Variants in SSBP3 observed in about 807,000 individuals in gnomAD.
The protein encoded by SSBP3 is single stranded DNA binding protein 3, also known as single-stranded DNA-binding protein 3.
Under a neutral mutation model 69.6 loss-of-function variants are expected in SSBP3, and 5 were observed. That is an observed-to-expected ratio of 0.07 (90% CI 0.04 to 0.15). The LOEUF (loss-of-function observed/expected upper bound fraction) is 0.15. Ranked by LOEUF, SSBP3 falls within the 10% of genes least tolerant of loss-of-function variation. SSBP3 has a pLI of 1.00. For missense variants in SSBP3, 312 were observed against 534.0 expected (o/e 0.58, Z 4.10); for synonymous variants, 196 against 193.4 (o/e 1.01, Z -0.11).
At chr1:54,350,896 T>G (rs1180012992) in intron 4 of SSBP3, among the ~76,000 whole-genome samples, 1 of 152,136 alleles carries the variant, frequency 6.6e-6, no homozygotes, top group Non-Finnish European at 1.5e-5. Context: ...AGTGCAGTGG[T>G]GCAATCATAG....
At chr1:54,334,445 T>A (rs529710270) in intron 4 of SSBP3, among the ~76,000 whole-genome samples, 5 of 152,212 alleles carry the variant, frequency 3.3e-5, no homozygotes, top group Non-Finnish European at 5.9e-5. Context: ...ATGCTGTCAT[T>A]TCCTTCAGTG....
At chr1:54,354,025 A>C (rs956244446) in intron 4 of SSBP3, among the ~76,000 whole-genome samples, 1 of 152,142 alleles carries the variant, frequency 6.6e-6, no homozygotes, top group Non-Finnish European at 1.5e-5. Flanking sequence ...TCAGTGACTG[A>C]CCACTCCCCC....
intron 14 of SSBP3, among the ~76,000 whole-genome samples, chr1:54,230,159 G>T (rs1351243269): frequency 1.3e-5 from 2 of 152,180 alleles, no homozygotes; most frequent in African/African-American, 4.8e-5. Flanking sequence ...CACAGCTAGG[G>T]TATGAGCTGC....
chr1:54,403,850 C>T, intron 3 of SSBP3, among the ~76,000 whole-genome samples: 1 of 152,188 alleles, frequency 6.6e-6, no homozygotes, highest in African/African-American at 2.4e-5. Flanking sequence ...TCCCTCCTGG[C>T]TGTCATATAC....
chr1:54,243,465 G>C, intron 9 of SSBP3, 166 bp from the exon 10 acceptor site: 1 of 762,854 alleles, frequency 1.3e-6, no homozygotes, highest in East Asian at 2.6e-5. Context: ...TGGGAACCAA[G>C]TCACAGGGAC....
chr1:54,258,308 G>C lies in SSBP3; in HGVS notation c.367-159C>G, dbSNP rs996718472. Reference sequence around the variant, plus strand: ...TGGGAGGTGGTGGAGCTGCTGCTTTGGTCGCCGGCTCAACGGTGTAAAACG... The same window carrying C: ...TGGGAGGTGGTGGAGCTGCTGCTTTCGTCGCCGGCTCAACGGTGTAAAACG... On this transcript the variant is annotated intron_variant, in intron 5 of 17. Transcript: ENST00000610401. The surrounding 1 kb of genome is among the most constrained non-coding windows in gnomAD (Gnocchi z 4.5). 2.8e-4 allele frequency among the ~76,000 whole-genome samples: 42 copies of C among 151,964 alleles called. No homozygotes were observed. The highest frequency in any genetic ancestry group is 9.7e-4 in the African/African-American group (40 of 41,412).
At chr1:54,241,580 G>A (rs1231354683) in intron 11 of SSBP3, 71 bp from the exon 12 acceptor site, 3 of 1,513,948 alleles carry the variant, frequency 2.0e-6, no homozygotes, top group South Asian at 1.1e-5. Context: ...CCTCCCTGAG[G>A]ACACGACCCA....
intron 4 of SSBP3, among the ~76,000 whole-genome samples, chr1:54,360,943 A>G (rs1646942737): frequency 6.7e-6 from 1 of 150,354 alleles, no homozygotes; most frequent in Admixed American, 6.7e-5. Context: ...AAAATCTGCC[A>G]GATGTGGCAA....
rs962004108 is a variant in SSBP3 at position 54,238,947 on chromosome 1, C to G, written c.927+182G>C. ...CGTCCCACCCCTTCCTCTCCCACCC[C>G]CTGCCGCCCATGAAATGGGAACTGA... On this transcript the variant is annotated intron_variant, in intron 14 of 17. Coordinates refer to ENST00000610401, the Ensembl canonical transcript of SSBP3. 3.0e-5 allele frequency: 13 copies of G among 440,366 alleles called. No homozygotes were observed. The East Asian group carries it at 4.1e-4, about 14-fold the overall frequency. The allele number at this position is 440,366 out of a possible 1,614,324, so 27.3% of individuals were successfully genotyped here. A position where few individuals can be genotyped will look rare whatever the true frequency, so the allele number is the denominator to read the frequency against.
intron 5 of SSBP3, among the ~76,000 whole-genome samples, chr1:54,274,006 G>A (rs940799993): frequency 6.6e-6 from 1 of 152,206 alleles, no homozygotes; most frequent in South Asian, 2.1e-4. Flanking sequence ...GCGGACAGCA[G>A]GGCGGAGGAG....
At chr1:54,294,021 T>C (rs935971665) in intron 4 of SSBP3, among the ~76,000 whole-genome samples, 4 of 150,354 alleles carry the variant, frequency 2.7e-5, no homozygotes, top group Non-Finnish European at 5.9e-5. Context: ...GCGCCTGTAA[T>C]CCCAGCTACT....
intron 4 of SSBP3, among the ~76,000 whole-genome samples, chr1:54,284,506 T>C (rs1211211714): frequency 6.6e-6 from 1 of 151,954 alleles, no homozygotes; most frequent in African/African-American, 2.4e-5. Flanking sequence ...AGAGACCTAG[T>C]CCCCAGGCTG....
intron 14 of SSBP3, among the ~76,000 whole-genome samples, chr1:54,235,448 A>ATTTTTATTTTTTTTT (rs1644473013): frequency 1.4e-5 from 1 of 69,910 alleles, no homozygotes; most frequent in South Asian, 5.5e-4. Context: ...TGCCCGGCTG[A>ATTTTTATTTTTTTTT]TTTTTTTTTT....
At chr1:54,283,847 C>T (rs946622105) in intron 4 of SSBP3, among the ~76,000 whole-genome samples, 1 of 152,182 alleles carries the variant, frequency 6.6e-6, no homozygotes, top group Non-Finnish European at 1.5e-5. Context: ...TGAGATGGGG[C>T]CTCGTGAGGG....
At chr1:54,371,362 T>C (rs796723488) in intron 4 of SSBP3, among the ~76,000 whole-genome samples, 3 of 152,328 alleles carry the variant, frequency 2.0e-5, no homozygotes, top group African/African-American at 7.2e-5. Context: ...GTGGATGCCA[T>C]GTGTGCATGA....
In SSBP3 at chr1:54,227,180, A is replaced by AGGG. The variant is rs1553120669; in HGVS notation, c.1138-21_1138-20insCCC. Reference sequence around the variant, plus strand: ...AGAATACTGGAAAGGAGAAGCAGAGAAGGGGGGGGGGTGAGGATTGTGGGG... The same window carrying AGGG: ...AGAATACTGGAAAGGAGAAGCAGAGAGGGAGGGGGGGGGGTGAGGATTGTGGGG... On this transcript the variant is annotated intron_variant, in intron 17 of 17. Transcript: ENST00000610401. 2.8e-6 allele frequency: 1 copy of AGGG among 354,276 alleles called. No homozygotes were observed. Among genetic ancestry groups the AGGG allele is most frequent in the African/African-American group, 6.7e-5 (1 of 14,928 alleles). 21.9% of individuals were successfully genotyped at this position (354,276 alleles called of 1,614,324 possible).
intron 4 of SSBP3, among the ~76,000 whole-genome samples, chr1:54,346,077 C>T (rs754234670): frequency 1.3e-5 from 2 of 151,650 alleles, no homozygotes; most frequent in Non-Finnish European, 2.9e-5. Context: ...ACAGGAGAAT[C>T]GCTTGAACTC....
intron 4 of SSBP3, among the ~76,000 whole-genome samples, chr1:54,315,454 C>T (rs1339392529): frequency 2.0e-5 from 3 of 151,986 alleles, no homozygotes; most frequent in East Asian, 1.9e-4. Flanking sequence ...GTAGAAAAGT[C>T]GGAGTTATAA....
chr1:54,338,059 CAT>C (rs1299147772), intron 4 of SSBP3, among the ~76,000 whole-genome samples: 4 of 152,212 alleles, frequency 2.6e-5, no homozygotes, highest in African/African-American at 7.2e-5. Context: ...TCCATGACAT[CAT>C]GTGTGTATAT....
Sources: gnomAD v4.1 joint callset for allele counts (sites outside exome capture counted in the v4.1 genomes callset) on GRCh38, gnomAD v4.1.1 for gene constraint, Gnocchi (gnomAD v3.1) non-coding constraint, MANE v1.5 for transcripts, NCBI Gene and HGNC (gene_info 2026-07-23, HGNC 2026-07-21) for gene names.